ACAP2: variants seen among roughly 807,000 people sequenced by gnomAD.
ACAP2 encodes the protein ArfGAP with coiled-coil, ankyrin repeat and PH domains 2.
ACAP2 carries 39 observed loss-of-function variants against 115.8 expected under a neutral mutation model. The observed-to-expected ratio is 0.34, with a 90% CI of 0.26 to 0.44. The LOEUF is 0.44. ACAP2 is among the 20% of genes least tolerant of loss of function. The pLI is 1.00. For missense variants in ACAP2, 662 were observed against 927.6 expected (o/e 0.71, Z 3.72); for synonymous variants, 289 against 315.8 (o/e 0.92, Z 0.90).
chr3:195,330,618 A>G (rs1173556483), intron 8 of ACAP2, among the ~76,000 whole-genome samples: 2 of 152,134 alleles, frequency 1.3e-5, no homozygotes, highest in East Asian at 1.9e-4. Context: ...TGTCCTGTCT[A>G]TATGTTCCTG....
At chr3:195,290,035 A>G (rs993000922) in intron 20 of ACAP2, among the ~76,000 whole-genome samples, 13 of 152,158 alleles carry the variant, frequency 8.5e-5, no homozygotes, top group African/African-American at 3.1e-4. Flanking sequence ...AAGAATAACT[A>G]AATGGAGTCT....
At chr3:195,314,493 G>A (rs1308979977) in intron 10 of ACAP2, among the ~76,000 whole-genome samples, 1 of 151,950 alleles carries the variant, frequency 6.6e-6, no homozygotes, top group Non-Finnish European at 1.5e-5. Context: ...GGTCTTGAAC[G>A]CCTGACCTCA....
chr3:195,329,982 T>A (rs1050141886), intron 8 of ACAP2, among the ~76,000 whole-genome samples: 4 of 152,074 alleles, frequency 2.6e-5, no homozygotes, highest in African/African-American at 9.7e-5. Flanking sequence ...AAAATCTTCA[T>A]GTATGGTGTC....
At chr3:195,382,650 C>T (rs1734026011) in intron 2 of ACAP2, among the ~76,000 whole-genome samples, 1 of 151,816 alleles carries the variant, frequency 6.6e-6, no homozygotes, top group Non-Finnish European at 1.5e-5. Context: ...GAGAAAAGTA[C>T]TAAGGGGATG....
At chr3:195,293,605 G>C (rs1231565986) in intron 18 of ACAP2, among the ~76,000 whole-genome samples, 1 of 152,228 alleles carries the variant, frequency 6.6e-6, no homozygotes, top group Non-Finnish European at 1.5e-5. Flanking sequence ...ACTTTCGGAG[G>C]CTGAGAGAGG....
rs1577474516 is a variant in ACAP2, at chr3:195,431,516, C to T, written c.53+11279G>A. Among the ~76,000 whole-genome samples, 7 of 152,108 alleles carry T rather than the reference C, an allele frequency of 4.6e-5. 1 individual carries two copies. The South Asian group carries it at 1.5e-3, about 32-fold the overall frequency. On this transcript the variant is annotated intron_variant, in intron 1 of 22. Coordinates refer to ENST00000326793, the MANE Select transcript of ACAP2 (RefSeq NM_012287.6). ...GCAGTGGCGTGATCTCGGCTCACTGCAAGCTCCACCTCCTGGGTTCACGCC... is the reference window on the plus strand; with the variant it reads ...GCAGTGGCGTGATCTCGGCTCACTGTAAGCTCCACCTCCTGGGTTCACGCC...
chr3:195,436,117 A>ATG (rs1302321947), intron 1 of ACAP2, among the ~76,000 whole-genome samples: 2 of 129,866 alleles, frequency 1.5e-5, no homozygotes, highest in Non-Finnish European at 3.1e-5. Context: ...ATACATATAT[A>ATG]TGTATATATA....
At chr3:195,407,516 G>A (rs781470381) in intron 1 of ACAP2, among the ~76,000 whole-genome samples, 1 of 152,130 alleles carries the variant, frequency 6.6e-6, no homozygotes, top group Non-Finnish European at 1.5e-5. Context: ...AGACAAGCCT[G>A]GGCAACATGA....
intron 11 of ACAP2, among the ~76,000 whole-genome samples, chr3:195,307,561 C>T (rs1304679748): frequency 6.6e-6 from 1 of 152,074 alleles, no homozygotes; most frequent in Admixed American, 6.5e-5. Flanking sequence ...AGAGACTGGT[C>T]CAACACTTGA....
At chr3:195,301,329 G>A (rs1728040905) in intron 15 of ACAP2, among the ~76,000 whole-genome samples, 3 of 151,972 alleles carry the variant, frequency 2.0e-5, no homozygotes, top group East Asian at 1.9e-4. Context: ...CTCATGATCC[G>A]CCCGCCTCGG....
At chr3:195,295,981 A>G (rs1727634500) in intron 16 of ACAP2, 89 bp from the exon 17 acceptor site, 2 of 1,055,202 alleles carry the variant, frequency 1.9e-6, no homozygotes, top group Non-Finnish European at 2.7e-6. Context: ...AACATATTCA[A>G]ACAAAGTCAC....
intron 1 of ACAP2, among the ~76,000 whole-genome samples, chr3:195,415,612 C>CA (rs1486588787): frequency 6.6e-6 from 1 of 151,866 alleles, no homozygotes; most frequent in Admixed American, 6.6e-5. Context: ...TGTCTTCAGC[C>CA]AAAAAAGGTA....
At position 195,409,769 on chromosome 3, in the gene ACAP2, G is replaced by A. The variant is rs370178422; in HGVS notation, c.54-17622C>T. Among the ~76,000 whole-genome samples the A allele has an allele frequency of 6.7e-5, 10 of 150,184 alleles. No homozygotes were observed. In the East Asian group the frequency reaches 1.4e-3, roughly 21 times the overall value. On this transcript the variant is annotated intron_variant, in intron 1 of 22. Coordinates refer to ENST00000326793, the MANE Select transcript of ACAP2 (RefSeq NM_012287.6). ...CAGGCACCTATAATCCCAGCTACTC[G>A]GGAGGCTGAGGCAAGAGAATTGCTT...
intron 1 of ACAP2, among the ~76,000 whole-genome samples, chr3:195,401,384 G>T (rs1229286813): frequency 6.6e-6 from 1 of 152,158 alleles, no homozygotes; most frequent in Admixed American, 6.5e-5. Flanking sequence ...AGAAGACTAG[G>T]CTGGGCGCAG....
At chr3:195,368,582 T>G (rs1560294133) in intron 4 of ACAP2, among the ~76,000 whole-genome samples, 1 of 152,244 alleles carries the variant, frequency 6.6e-6, no homozygotes, top group African/African-American at 2.4e-5. Context: ...TTTTCATATT[T>G]TTCCTACTAA....
intron 1 of ACAP2, chr3:195,413,028 C>G (rs1713417173): frequency 3.6e-6 from 1 of 277,700 alleles, no homozygotes; most frequent in African/African-American, 2.2e-5. Context: ...ACAGAAGATT[C>G]CATTTTAAAT....
At chr3:195,307,602 T>A (rs1728504626) in intron 11 of ACAP2, among the ~76,000 whole-genome samples, 1 of 152,164 alleles carries the variant, frequency 6.6e-6, no homozygotes, top group Non-Finnish European at 1.5e-5. Flanking sequence ...AATGTTAATG[T>A]TCTGTGGCTT....
intron 4 of ACAP2, among the ~76,000 whole-genome samples, chr3:195,351,131 G>GT (rs200798131): frequency 0.011 from 859 of 77,952 alleles, 22 homozygotes; most frequent in African/African-American, 0.044. Context: ...TTTTTTTTTG[G>GT]GCGGGGGACA....
intron 1 of ACAP2, among the ~76,000 whole-genome samples, chr3:195,393,153 C>G (rs929978575): frequency 2.0e-5 from 3 of 152,008 alleles, no homozygotes; most frequent in Non-Finnish European, 4.4e-5. Context: ...CTAGGAAACA[C>G]AGGAAGACCC....
Sources: allele counts gnomAD v4.1 joint callset (sites outside exome capture counted in the v4.1 genomes callset), GRCh38; gene constraint gnomAD v4.1.1; transcripts MANE v1.5; gene names NCBI Gene and HGNC (gene_info 2026-07-23, HGNC 2026-07-21).